CDKN2B-AS1: variants seen among roughly 807,000 people sequenced by gnomAD.
The protein encoded by CDKN2B-AS1 is CDKN2B and CDKN2A antisense cis and trans regulatory RNA 1, also known as CDKN2B antisense RNA 1 (non-protein coding).
At chr9:22,079,908 C>T (rs1163507496) in intron 4 of CDKN2B-AS1, among the ~76,000 whole-genome samples, 1 of 152,228 alleles carries the variant, frequency 6.6e-6, no homozygotes, top group Non-Finnish European at 1.5e-5. Flanking sequence ...ATCCAGATAT[C>T]TCTTCCCCCA....
intron 4 of CDKN2B-AS1, among the ~76,000 whole-genome samples, chr9:22,069,437 G>A (rs189574862): frequency 7.9e-5 from 12 of 152,162 alleles, no homozygotes; most frequent in South Asian, 2.1e-4. Context: ...CATTATTCCC[G>A]TGAAAAAACT....
chr9:22,048,621 G>A (rs1018269253), intron 2 of CDKN2B-AS1, among the ~76,000 whole-genome samples: 1 of 151,892 alleles, frequency 6.6e-6, no homozygotes, highest in Non-Finnish European at 1.5e-5. Flanking sequence ...CTTGTTTTTC[G>A]AGTTTCATGG....
At chr9:22,090,050 T>A (rs1471772566) in intron 4 of CDKN2B-AS1, among the ~76,000 whole-genome samples, 1 of 148,048 alleles carries the variant, frequency 6.8e-6, no homozygotes, top group Non-Finnish European at 1.5e-5. Flanking sequence ...ATTGTTCAAT[T>A]CCCACCTATG....
At chr9:22,112,363 C>G (rs1160454718) in intron 4 of CDKN2B-AS1, 1 of 152,168 alleles carries the variant, frequency 6.6e-6, no homozygotes, top group Non-Finnish European at 1.5e-5. Flanking sequence ...GCTAGCACTT[C>G]CCGAGTTCTA....
chr9:22,069,405 A>G (rs1239036820), intron 4 of CDKN2B-AS1, among the ~76,000 whole-genome samples: 2 of 152,192 alleles, frequency 1.3e-5, no homozygotes, highest in Non-Finnish European at 2.9e-5. Context: ...TGTGCACTCA[A>G]CCAACTCTAT....
intron 4 of CDKN2B-AS1, among the ~76,000 whole-genome samples, chr9:22,089,179 A>G (rs1489896874): frequency 6.6e-6 from 1 of 152,212 alleles, no homozygotes; most frequent in Non-Finnish European, 1.5e-5. Flanking sequence ...TCTAATTTCA[A>G]AAGATAATAG....
intron 3 of CDKN2B-AS1, among the ~76,000 whole-genome samples, chr9:22,055,846 G>A (rs543040564): frequency 3.3e-5 from 5 of 152,168 alleles, no homozygotes; most frequent in African/African-American, 1.2e-4. Flanking sequence ...ATTATGAGAG[G>A]TTTGGGGGGC....
upstream of CDKN2B-AS1, chr9:21,994,818 T>G: frequency 2.5e-5 from 4 of 162,306 alleles, no homozygotes; most frequent in East Asian, 1.7e-4. Context: ...GACACGGCCC[T>G]ACCAGGAACA....
chr9:22,056,631 G>A (rs1478155893), intron 4 of CDKN2B-AS1, among the ~76,000 whole-genome samples: 1 of 152,104 alleles, frequency 6.6e-6, no homozygotes, highest in African/African-American at 2.4e-5. Context: ...CAGTTTCTCG[G>A]TCTTCTTTTC....
chr9:22,099,797 A>T (rs1825419985), intron 4 of CDKN2B-AS1, among the ~76,000 whole-genome samples: 1 of 152,222 alleles, frequency 6.6e-6, no homozygotes, highest in Non-Finnish European at 1.5e-5. Flanking sequence ...AGTTGTGGAA[A>T]AAAGGTGTGC....
At chr9:22,057,882 A>C (rs1823638585) in intron 4 of CDKN2B-AS1, among the ~76,000 whole-genome samples, 1 of 152,034 alleles carries the variant, frequency 6.6e-6, no homozygotes, top group South Asian at 2.1e-4. Flanking sequence ...TTGAGAGGCC[A>C]AGGCGGGTGG....
intron 4 of CDKN2B-AS1, among the ~76,000 whole-genome samples, chr9:22,080,573 G>A (rs1320264633): frequency 6.6e-6 from 1 of 152,224 alleles, no homozygotes; most frequent in Non-Finnish European, 1.5e-5. Flanking sequence ...AACACAATGG[G>A]AAATGTTTAA....
intron 4 of CDKN2B-AS1, among the ~76,000 whole-genome samples, chr9:22,114,727 C>T (rs77563194): frequency 0.024 from 3,709 of 152,244 alleles, 159 homozygotes; most frequent in East Asian, 0.18. Flanking sequence ...TCAGAGGCAG[C>T]GGCTAAGACC....
At chr9:22,092,789 AT>A (rs949632704) in intron 4 of CDKN2B-AS1, among the ~76,000 whole-genome samples, 6 of 151,938 alleles carry the variant, frequency 3.9e-5, no homozygotes, top group African/African-American at 1.2e-4. Flanking sequence ...GGATTCATTG[AT>A]TTTTTTGGAG....
At chr9:22,051,379 G>A (rs1247217909) in intron 3 of CDKN2B-AS1, among the ~76,000 whole-genome samples, 1 of 151,998 alleles carries the variant, frequency 6.6e-6, no homozygotes, top group Non-Finnish European at 1.5e-5. Flanking sequence ...TCTTGTTTTT[G>A]TAATACCTTT....
chr9:22,084,886 C>G (rs753754919), intron 4 of CDKN2B-AS1, among the ~76,000 whole-genome samples: 2 of 152,070 alleles, frequency 1.3e-5, no homozygotes, highest in African/African-American at 4.8e-5. Context: ...AGTCATACAG[C>G]TGAAATTGTG....
chr9:22,101,071 C>T (rs1197277052), intron 4 of CDKN2B-AS1, among the ~76,000 whole-genome samples: 1 of 152,082 alleles, frequency 6.6e-6, no homozygotes, highest in Non-Finnish European at 1.5e-5. Context: ...TAATGATCCA[C>T]CAGTAAAGAG....
intron 4 of CDKN2B-AS1, chr9:22,065,870 T>C (rs1474762713): frequency 1.3e-5 from 2 of 152,232 alleles, no homozygotes; most frequent in Non-Finnish European, 2.9e-5. Flanking sequence ...CATACTGTGA[T>C]GTATTCTTTT....
intron 1 of CDKN2B-AS1, among the ~76,000 whole-genome samples, chr9:22,019,319 A>T (rs1249853246): frequency 6.6e-6 from 1 of 152,206 alleles, no homozygotes; most frequent in East Asian, 1.9e-4. Context: ...GGGGAGAGGC[A>T]AGAGTGGATT....
Sources: gnomAD v4.1 joint callset for allele counts (sites outside exome capture counted in the v4.1 genomes callset) on GRCh38, gnomAD v4.1.1 for gene constraint, MANE v1.5 for transcripts, NCBI Gene and HGNC (gene_info 2026-07-23, HGNC 2026-07-21) for gene names.